HUWE1: variants seen among roughly 807,000 people sequenced by gnomAD.
HUWE1 encodes HECT, UBA and WWE domain containing E3 ubiquitin protein ligase 1, also known as E3 ubiquitin-protein ligase HUWE1.
HUWE1 carries 18 observed loss-of-function variants against 299.4 expected under a neutral mutation model. The observed-to-expected ratio is 0.06, with a 90% CI of 0.04 to 0.09. The LOEUF (loss-of-function observed/expected upper bound fraction) is 0.09, where lower values mean the gene tolerates loss of function less well. Ranked by LOEUF, HUWE1 falls within the 10% of genes least tolerant of loss-of-function variation. The pLI, the probability that HUWE1 is intolerant of heterozygous loss-of-function variation, is 1.00. For missense variants in HUWE1, 1,832 were observed against 3,462.3 expected, an observed-to-expected ratio of 0.53 and a Z score of 11.82; for synonymous variants, 1,317 against 1,286.1, an observed-to-expected ratio of 1.02 and a Z score of -0.51.
intron 4 of HUWE1, among the ~76,000 whole-genome samples, chrX:53,650,229 T>C (rs782264714): frequency 1.8e-5 from 2 of 112,456 alleles, no homozygotes; most frequent in Admixed American, 9.4e-5. Flanking sequence ...CCAACCAATA[T>C]GTTGGCTCCA....
intron 5 of HUWE1, among the ~76,000 whole-genome samples, chrX:53,647,850 G>A (rs1288693168): frequency 8.9e-6 from 1 of 112,101 alleles, no homozygotes; most frequent in Non-Finnish European, 1.9e-5. Context: ...TAAGATCTAC[G>A]AAGACAAGAG....
At chrX:53,621,859 T>G (rs782164981) in intron 19 of HUWE1, among the ~76,000 whole-genome samples, 1 of 112,295 alleles carries the variant, frequency 8.9e-6, no homozygotes, top group South Asian at 3.7e-4. Flanking sequence ...TATTGACAAC[T>G]TGCTACACTC....
chrX:53,601,536 CTTT>C, intron 28 of HUWE1, among the ~76,000 whole-genome samples: 1 of 110,456 alleles, frequency 9.1e-6, no homozygotes, highest in South Asian at 3.8e-4. Flanking sequence ...ATAGTTTATC[CTTT>C]TTTATTTCCT....
intron 44 of HUWE1, among the ~76,000 whole-genome samples, chrX:53,576,392 T>A (rs898027723): frequency 8.9e-6 from 1 of 112,037 alleles, no homozygotes; most frequent in African/African-American, 3.2e-5. Context: ...TAAAGGTGGA[T>A]GGGTGTGGTG....
Position 53,662,760 on chromosome X carries a change from A to G in HUWE1, c.-24-8629T>C, listed in dbSNP as rs782039737. 2.1e-4 allele frequency among the ~76,000 whole-genome samples: 23 copies of G among 111,939 alleles called. No homozygotes were observed. In the East Asian group the frequency reaches 5.9e-3, roughly 29 times the overall value. On this transcript the variant is annotated intron_variant, in intron 3 of 83. Coordinates refer to ENST00000262854, the MANE Select transcript of HUWE1 (RefSeq NM_031407.7). Reference sequence around the variant, plus strand: ...GGAGATGACTGCTTACAAAGAAGGAAAGGAGGAGGCCCGCAACTGAGTTAT... The same window carrying G: ...GGAGATGACTGCTTACAAAGAAGGAGAGGAGGAGGCCCGCAACTGAGTTAT...
chrX:53,669,829 G>C (rs1395745857), intron 3 of HUWE1, among the ~76,000 whole-genome samples: 1 of 112,046 alleles, frequency 8.9e-6, no homozygotes, highest in East Asian at 2.8e-4. Context: ...AGCATAAAAA[G>C]CTTAACATAG....
intron 3 of HUWE1, among the ~76,000 whole-genome samples, chrX:53,655,776 C>T (rs868979062): frequency 8.9e-6 from 1 of 111,926 alleles, no homozygotes. Flanking sequence ...GACGTAGCAG[C>T]CAGCCTCAAT....
Position 53,645,736 on chromosome X carries a change from A to AATAT in HUWE1, c.352-277_352-274dup, listed in dbSNP as rs1175668846. On this transcript the variant is annotated intron_variant, in intron 6 of 83. Coordinates refer to ENST00000262854, the MANE Select transcript of HUWE1 (RefSeq NM_031407.7). ...TCAAAAAAAGAAAAAAAAAAAAAAA[A>AATAT]ATATATATATATATATATATATATA... Among the ~76,000 whole-genome samples the AATAT allele has an allele frequency of 2.1e-3, 56 of 26,105 alleles. 2 individuals are homozygous for AATAT. The highest frequency in any genetic ancestry group is 7.9e-3 in the African/African-American group (52 of 6,613). 22.7% of individuals were successfully genotyped at this position (26,105 alleles called of 115,157 possible).
chrX:53,614,891 G>A, intron 22 of HUWE1, 146 bp from the exon 23 acceptor site: 1 of 483,708 alleles, frequency 2.1e-6, no homozygotes, highest in Non-Finnish European at 3.7e-6. Flanking sequence ...CCCAGAATAT[G>A]GTCATTAATT....
intron 71 of HUWE1, 57 bp downstream of exon 71, chrX:53,544,972 C>T (rs782250767): frequency 3.2e-5 from 37 of 1,156,577 alleles, no homozygotes; most frequent in Non-Finnish European, 4.0e-5. Flanking sequence ...CCAGCAAGAG[C>T]CATCTTCCAG....
chrX:53,578,790 T>C (rs1336815923), intron 43 of HUWE1, among the ~76,000 whole-genome samples: 1 of 59,485 alleles, frequency 1.7e-5, no homozygotes, highest in Non-Finnish European at 3.0e-5. Flanking sequence ...AGCCGCCCCG[T>C]CTGGGAGGGA....
chrX:53,678,167 A>C (rs2069928512), intron 3 of HUWE1, among the ~76,000 whole-genome samples: 1 of 112,167 alleles, frequency 8.9e-6, no homozygotes, highest in Admixed American at 9.5e-5. Context: ...TTTTAAAGCC[A>C]AATGACTAAA....
At chrX:53,594,464 A>C in intron 31 of HUWE1, 35 bp downstream of exon 31, 8 of 1,204,271 alleles carry the variant, frequency 6.6e-6, no homozygotes, top group Non-Finnish European at 9.0e-6. Flanking sequence ...TCAAACTCCA[A>C]GAAATGCTCC....
intron 21 of HUWE1, 33 bp from the exon 22 acceptor site, chrX:53,615,868 A>G: frequency 9.8e-7 from 1 of 1,019,005 alleles, no homozygotes; most frequent in Non-Finnish European, 1.4e-6. Flanking sequence ...TAGAATTAGA[A>G]AGACTGAAGA....
In HUWE1 at chrX:53,680,059, A is replaced by C. The variant is rs1557052575; in HGVS notation, c.-35T>G. On this transcript the variant is annotated 5_prime_UTR_variant, in exon 3 of 84. Coordinates refer to ENST00000262854, the MANE Select transcript of HUWE1 (RefSeq NM_031407.7). The stretch of plus-strand genomic sequence containing the variant: ...TTTACAAAAACTAACCTAAAATCAC[A>C]GCCAATCATACTCATCCTGGTGGGA... The C allele has an allele frequency of 3.4e-6, 1 of 295,330 alleles. No individual in the cohort carries two copies. The highest frequency in any genetic ancestry group is 4.8e-5 in the East Asian group (1 of 20,997). The allele number at this position is 295,330 out of a possible 1,213,427, so 24.3% of individuals were successfully genotyped here.
chrX:53,654,295 G>C (rs782785271), intron 3 of HUWE1, among the ~76,000 whole-genome samples, 164 bp from the exon 4 acceptor site: 1 of 112,075 alleles, frequency 8.9e-6, no homozygotes, highest in African/African-American at 3.2e-5. Context: ...CTATCAGGTA[G>C]AGAGAGGTAA....
rs781914809 is a variant in HUWE1 at position 53,535,339 on chromosome X, T to G, written c.12649+45A>C. The G allele has an allele frequency of 7.1e-6, 6 of 839,449 alleles. No homozygotes were observed. In the Admixed American group the frequency reaches 1.3e-4, roughly 18 times the overall value. The allele number at this position is 839,449 out of a possible 1,213,427, so 69.2% of individuals were successfully genotyped here. A position where few individuals can be genotyped will look rare whatever the true frequency, so the allele number is the denominator to read the frequency against. On this transcript the variant is annotated intron_variant, in intron 81 of 83. Coordinates refer to ENST00000262854, the MANE Select transcript of HUWE1 (RefSeq NM_031407.7). ...CCTATCAAATGAATCAAGTCCGACCTCTTCTCATATTGAGCAACTAGAGGT... is the reference window on the plus strand; with the variant it reads ...CCTATCAAATGAATCAAGTCCGACCGCTTCTCATATTGAGCAACTAGAGGT...
chrX:53,681,038 C>T (rs1557053068), intron 2 of HUWE1, among the ~76,000 whole-genome samples: 2 of 111,164 alleles, frequency 1.8e-5, no homozygotes, highest in Non-Finnish European at 3.8e-5. Flanking sequence ...TACTTCAATT[C>T]CCATCACCCA....
At chrX:53,611,407 G>A (rs782540442) in intron 23 of HUWE1, among the ~76,000 whole-genome samples, 6 of 111,067 alleles carry the variant, frequency 5.4e-5, no homozygotes, top group Non-Finnish European at 9.4e-5. Context: ...AGGTATATAC[G>A]TCAGATATAA....
Sources: gnomAD v4.1 joint callset for allele counts (sites outside exome capture counted in the v4.1 genomes callset) on GRCh38, gnomAD v4.1.1 for gene constraint, MANE v1.5 for transcripts, NCBI Gene and HGNC (gene_info 2026-07-23, HGNC 2026-07-21) for gene names.